Variants in PIGK observed in about 807,000 individuals in gnomAD.
PIGK encodes GPI-anchor transamidase.
A neutral mutation model predicts 50.6 loss-of-function variants in PIGK; 42 were observed. The observed-to-expected ratio is 0.83, with a 90% CI of 0.65 to 1.07. The LOEUF (loss-of-function observed/expected upper bound fraction) is 1.07. PIGK is among the 50% of genes least tolerant of loss of function. PIGK has a pLI of 0.00. For synonymous variants in PIGK, 151 were observed against 156.0 expected (o/e 0.97, Z 0.24); for missense variants, 448 against 488.7 (o/e 0.92, Z 0.78).
intron 9 of PIGK, among the ~76,000 whole-genome samples, chr1:77,152,851 A>T (rs996731368): frequency 6.6e-6 from 1 of 152,158 alleles, no homozygotes; most frequent in African/African-American, 2.4e-5. Context: ...CTTATAAAAA[A>T]GACCAAAAAA....
At chr1:77,201,514 GT>G (rs1170658346) in intron 3 of PIGK, among the ~76,000 whole-genome samples, 1 of 152,134 alleles carries the variant, frequency 6.6e-6, no homozygotes, top group African/African-American at 2.4e-5. Context: ...AATCCCAGTA[GT>G]TTGAGAGGCC....
intron 3 of PIGK, among the ~76,000 whole-genome samples, chr1:77,186,746 A>T (rs1287041289): frequency 6.6e-6 from 1 of 152,120 alleles, no homozygotes; most frequent in African/African-American, 2.4e-5. Flanking sequence ...GTTACACAGG[A>T]GTTCAGCAAC....
Position 77,166,727 on chromosome 1 carries a change from T to G in PIGK, c.479A>C (p.Tyr160Ser), listed in dbSNP as rs1164656857. ...LSDDRSNILI[Y>S]MTGHGGNGFL... ...CTAAATTATGAAATTACCTGTCATA[T>G]AAATTAGAATATTGCTTCTGTCATC... The change falls in exon 5 of 11, where the codon TAT (tyrosine) becomes TCT (serine). Residue 160 changes from tyrosine (Y) to serine (S), a missense_variant. Physicochemically the swap from Tyr to Ser is moderately radical, Grantham distance 144 (BLOSUM62 -2). Coordinates refer to ENST00000370812, the MANE Select transcript of PIGK (RefSeq NM_005482.3). 12 of 1,493,796 alleles carry G rather than the reference T, an allele frequency of 8.0e-6. No individual in the cohort carries two copies. Among genetic ancestry groups the G allele is most frequent in the African/African-American group, 1.4e-5 (1 of 71,894 alleles). The allele number at this position is 1,493,796 out of a possible 1,614,324, so 92.5% of individuals were successfully genotyped here. A position where few individuals can be genotyped will look rare whatever the true frequency, so the allele number is the denominator to read the frequency against.
chr1:77,213,976 T>C (rs1215642678), intron 1 of PIGK, among the ~76,000 whole-genome samples: 1 of 152,166 alleles, frequency 6.6e-6, no homozygotes, highest in Non-Finnish European at 1.5e-5. Context: ...CTACCATGAC[T>C]GAATCAGGAA....
intron 10 of PIGK, among the ~76,000 whole-genome samples, chr1:77,119,651 A>G (rs1432168321): frequency 6.6e-6 from 1 of 152,220 alleles, no homozygotes; most frequent in Non-Finnish European, 1.5e-5. Context: ...AGCAGTTTAA[A>G]TATCACACAC....
intron 3 of PIGK, among the ~76,000 whole-genome samples, chr1:77,171,104 TAAAC>T (rs1014492726): frequency 1.3e-5 from 2 of 152,092 alleles, no homozygotes; most frequent in African/African-American, 4.8e-5. Context: ...ATTCCTTTGT[TAAAC>T]AAGACTGAAT....
chr1:77,143,194 A>C (rs550401576), intron 9 of PIGK, among the ~76,000 whole-genome samples: 1 of 152,308 alleles, frequency 6.6e-6, no homozygotes, highest in Non-Finnish European at 1.5e-5. Context: ...TTGTCTTATT[A>C]CTAATTAGTA....
intron 1 of PIGK, among the ~76,000 whole-genome samples, chr1:77,212,624 C>T (rs1656446280): frequency 6.6e-6 from 1 of 152,060 alleles, no homozygotes; most frequent in East Asian, 1.9e-4. Context: ...AAGGACATTC[C>T]ACACAAATGG....
intron 2 of PIGK, among the ~76,000 whole-genome samples, chr1:77,208,051 C>T (rs1656331210): frequency 6.6e-6 from 1 of 151,826 alleles, no homozygotes; most frequent in South Asian, 2.1e-4. Flanking sequence ...ATGAGACCCC[C>T]ATCTCTACAA....
At chr1:77,156,805 A>T (rs1441457424) in intron 8 of PIGK, among the ~76,000 whole-genome samples, 2 of 152,210 alleles carry the variant, frequency 1.3e-5, no homozygotes. Context: ...CATTTAGTAG[A>T]TATTCAATGA....
At chr1:77,092,960 C>T (rs972525200) in intron 10 of PIGK, among the ~76,000 whole-genome samples, 1 of 152,092 alleles carries the variant, frequency 6.6e-6, no homozygotes, top group Admixed American at 6.6e-5. Flanking sequence ...AGTGGAAGAA[C>T]AAACGCTACC....
At chr1:77,097,882 A>G (rs753333898) in intron 10 of PIGK, among the ~76,000 whole-genome samples, 20 of 152,196 alleles carry the variant, frequency 1.3e-4, no homozygotes, top group Non-Finnish European at 2.5e-4. Flanking sequence ...ATAACAATTA[A>G]AAAAAACTAT....
At chr1:77,191,596 T>C (rs924478619) in intron 3 of PIGK, among the ~76,000 whole-genome samples, 2 of 152,240 alleles carry the variant, frequency 1.3e-5, no homozygotes, top group Non-Finnish European at 2.9e-5. Context: ...ATTTCTAGCG[T>C]CAAATGGCAA....
intron 10 of PIGK, among the ~76,000 whole-genome samples, chr1:77,093,016 C>A (rs545191505): frequency 1.3e-5 from 2 of 152,126 alleles, no homozygotes; most frequent in South Asian, 4.2e-4. Context: ...AGTGCCAGTG[C>A]CTTGGGTCAT....
intron 10 of PIGK, among the ~76,000 whole-genome samples, chr1:77,106,104 C>T (rs886556191): frequency 3.9e-5 from 6 of 152,152 alleles, no homozygotes; most frequent in Non-Finnish European, 8.8e-5. Context: ...GCTTGTTTCC[C>T]GTTACGCAAA....
chr1:77,152,413 G>A (rs1654913705), intron 9 of PIGK, among the ~76,000 whole-genome samples: 1 of 151,924 alleles, frequency 6.6e-6, no homozygotes, highest in African/African-American at 2.4e-5. Flanking sequence ...GGAAACACTG[G>A]GGAAATGTTC....
At chr1:77,146,463 A>C (rs1024791541) in intron 9 of PIGK, among the ~76,000 whole-genome samples, 32 of 152,214 alleles carry the variant, frequency 2.1e-4, no homozygotes, top group Admixed American at 1.3e-4. Flanking sequence ...GTAGTTTTAG[A>C]TCAGCCTGGA....
chr1:77,135,756 T>C (rs1218343248), intron 9 of PIGK, among the ~76,000 whole-genome samples: 1 of 150,926 alleles, frequency 6.6e-6, no homozygotes, highest in Non-Finnish European at 1.5e-5. Flanking sequence ...CCTCACTGTC[T>C]AAAGCTATTA....
intron 5 of PIGK, among the ~76,000 whole-genome samples, chr1:77,166,464 G>T (rs1655236864): frequency 6.6e-6 from 1 of 151,958 alleles, no homozygotes; most frequent in African/African-American, 2.4e-5. Context: ...GCTGTAGCAG[G>T]ATACCAAGCA....
Sources: allele counts gnomAD v4.1 joint callset (sites outside exome capture counted in the v4.1 genomes callset), GRCh38; gene constraint gnomAD v4.1.1; transcripts MANE v1.5; gene names NCBI Gene and HGNC (gene_info 2026-07-23, HGNC 2026-07-21).